The following TAF4B variants were observed in gnomAD, a reference collection of about 807,000 sequenced individuals.
TAF4B encodes transcription initiation factor TFIID subunit 4B.
Under a neutral mutation model 86.4 loss-of-function variants are expected in TAF4B, and 38 were observed. The observed-to-expected ratio is 0.44, with a 90% CI of 0.34 to 0.58. The LOEUF (loss-of-function observed/expected upper bound fraction) is 0.58, where lower values mean the gene tolerates loss of function less well. Among genes scored for constraint, TAF4B ranks in the 20% least tolerant of loss-of-function variants. The probability of loss-of-function intolerance (pLI) is 0.02; values close to 1 mark genes in which losing one functional copy is unlikely to be tolerated. For missense variants in TAF4B, 988 were observed against 1,027.6 expected (o/e 0.96, Z 0.53); for synonymous variants, 388 against 391.2 (o/e 0.99, Z 0.10).
chr18:26,336,590 A>G (rs1376504588), intron 13 of TAF4B, among the ~76,000 whole-genome samples: 1 of 152,340 alleles, frequency 6.6e-6, no homozygotes, highest in African/African-American at 2.4e-5. Flanking sequence ...CAGCAACAAG[A>G]TATTCCTTAT....
chr18:26,267,517 A>C lies in TAF4B; in HGVS notation c.491A>C (p.Asn164Thr), dbSNP rs368776593. 10 of 1,612,990 alleles carry C rather than the reference A, an allele frequency of 6.2e-6. No homozygotes were observed. The African/African-American group carries it at 9.3e-5, about 15-fold the overall frequency. ...ATCTTGCTCCCCTCCACCGCCAAGA[A>C]CTCTAGCTCACAATTAATCAAGAAA... ...PQTVKICTVP[N>T]SSSQLIKKVA... Residue 164 changes from asparagine to threonine, a missense_variant and splice_region_variant, in exon 3 of 15, where the codon AAC becomes ACC. Transcript: ENST00000269142.
At chr18:26,323,505 G>T (rs76030191) in intron 11 of TAF4B, among the ~76,000 whole-genome samples, 2 of 146,350 alleles carry the variant, frequency 1.4e-5, no homozygotes, top group African/African-American at 5.1e-5. Context: ...ACTAACAGGC[G>T]TGTGCCACCA....
intron 13 of TAF4B, 58 bp downstream of exon 13, chr18:26,335,289 C>A: frequency 6.8e-7 from 1 of 1,467,414 alleles, no homozygotes; most frequent in South Asian, 1.1e-5. Flanking sequence ...TGGCAGCTCT[C>A]TCCTGGCAAT....
At chr18:26,350,119 G>A (rs1376779531) in intron 13 of TAF4B, among the ~76,000 whole-genome samples, 2 of 152,054 alleles carry the variant, frequency 1.3e-5, no homozygotes, top group Admixed American at 6.5e-5. Flanking sequence ...AGAAAACGGA[G>A]GAAATGCTTC....
At chr18:26,372,084 A>G (rs1022445820) in intron 14 of TAF4B, among the ~76,000 whole-genome samples, 1 of 152,272 alleles carries the variant, frequency 6.6e-6, no homozygotes, top group East Asian at 1.9e-4. Flanking sequence ...AACCCACAAC[A>G]TGGTTATTTC....
At chr18:26,241,673 A>G (rs904776534) in intron 1 of TAF4B, among the ~76,000 whole-genome samples, 2 of 151,864 alleles carry the variant, frequency 1.3e-5, no homozygotes, top group African/African-American at 4.8e-5. Context: ...TTTAATTGTG[A>G]TGTTAGGGTG....
In TAF4B at chr18:26,361,319, C is replaced by G. The variant is rs534287437; in HGVS notation, c.2421+3525C>G. Among the ~76,000 whole-genome samples, 48 of 142,566 alleles carry G rather than the reference C, an allele frequency of 3.4e-4. No homozygotes were observed. The East Asian group carries it at 9.5e-3, about 28-fold the overall frequency. The allele number at this position is 142,566 out of a possible 152,430, so 93.5% of individuals were successfully genotyped here. On this transcript the variant is annotated intron_variant, in intron 14 of 14. Transcript: ENST00000269142. ...TTTTTTTTTTTTTAGAGACAAGGGT[C>G]TCACTATGTTGCCCAGGCTGGCCTT...
At chr18:26,245,624 T>A (rs1489012316) in intron 1 of TAF4B, among the ~76,000 whole-genome samples, 3 of 152,180 alleles carry the variant, frequency 2.0e-5, no homozygotes, top group South Asian at 2.1e-4. Flanking sequence ...AAACGCTGAT[T>A]GGTGCATTTT....
At chr18:26,327,379 C>T (rs902170446) in intron 12 of TAF4B, among the ~76,000 whole-genome samples, 2 of 152,184 alleles carry the variant, frequency 1.3e-5, no homozygotes, top group African/African-American at 4.8e-5. Context: ...TCCCCATCCT[C>T]AAACCCAGGT....
At chr18:26,243,105 T>C in intron 1 of TAF4B, among the ~76,000 whole-genome samples, 1 of 152,192 alleles carries the variant, frequency 6.6e-6, no homozygotes, top group Non-Finnish European at 1.5e-5. Context: ...GCGTTCTCTG[T>C]ATTTCCTGAA....
chr18:26,242,855 G>A (rs1026351106), intron 1 of TAF4B, among the ~76,000 whole-genome samples: 2 of 151,954 alleles, frequency 1.3e-5, no homozygotes, highest in Non-Finnish European at 2.9e-5. Flanking sequence ...GCTTAGTTTG[G>A]CTGGATATGA....
At chr18:26,257,838 CGTGCGT>C (rs1328537868) in intron 1 of TAF4B, among the ~76,000 whole-genome samples, 3 of 100,708 alleles carry the variant, frequency 3.0e-5, no homozygotes, top group South Asian at 3.8e-4. Context: ...CTTTCCTCTG[CGTGCGT>C]GTGTGTGTGT....
At chr18:26,372,699 G>A (rs559792380) in intron 14 of TAF4B, among the ~76,000 whole-genome samples, 2 of 152,162 alleles carry the variant, frequency 1.3e-5, no homozygotes, top group South Asian at 4.2e-4. Flanking sequence ...GGCTGGGCGC[G>A]GTGGCTCATG....
intron 1 of TAF4B, among the ~76,000 whole-genome samples, chr18:26,243,274 T>C (rs530506274): frequency 6.6e-6 from 1 of 152,318 alleles, no homozygotes; most frequent in East Asian, 1.9e-4. Flanking sequence ...CTGGAGGCTT[T>C]GTTTATTTTT....
chr18:26,247,547 C>G (rs1444810896), intron 1 of TAF4B, among the ~76,000 whole-genome samples: 1 of 152,058 alleles, frequency 6.6e-6, no homozygotes, highest in Non-Finnish European at 1.5e-5. Context: ...TACCCTCCCC[C>G]CAAAGTTTTG....
At chr18:26,335,696 T>C (rs2057085042) in intron 13 of TAF4B, among the ~76,000 whole-genome samples, 1 of 152,200 alleles carries the variant, frequency 6.6e-6, no homozygotes, top group African/African-American at 2.4e-5. Context: ...TTTTCTGTTC[T>C]GGAATGGAGC....
chr18:26,326,651 T>A (rs1232085359), intron 11 of TAF4B, among the ~76,000 whole-genome samples: 1 of 152,202 alleles, frequency 6.6e-6, no homozygotes, highest in African/African-American at 2.4e-5. Context: ...CTGAGGTAGA[T>A]AATAATCTAA....
chr18:26,271,959 G>T (rs548690702), intron 3 of TAF4B, among the ~76,000 whole-genome samples: 2 of 149,998 alleles, frequency 1.3e-5, no homozygotes, highest in African/African-American at 4.9e-5. Context: ...TTTTAAGGGT[G>T]AGGGGGAATG....
chr18:26,285,576 T>A (rs919700810), intron 6 of TAF4B, among the ~76,000 whole-genome samples: 1 of 152,158 alleles, frequency 6.6e-6, no homozygotes, highest in Non-Finnish European at 1.5e-5. Flanking sequence ...ACTAATGATC[T>A]ATTATAGGGT....
Sources: gnomAD v4.1 joint callset for allele counts (sites outside exome capture counted in the v4.1 genomes callset) on GRCh38, gnomAD v4.1.1 for gene constraint, MANE v1.5 for transcripts, NCBI Gene and HGNC (gene_info 2026-07-23, HGNC 2026-07-21) for gene names.